ALDH2: variants seen among roughly 807,000 people sequenced by gnomAD.
ALDH2 encodes aldehyde dehydrogenase 2 family member.
ALDH2 carries 44 observed loss-of-function variants against 59.6 expected under a neutral mutation model. That is an observed-to-expected ratio of 0.74 (90% CI 0.58 to 0.95). The LOEUF is 0.95. ALDH2 is among the 40% of genes least tolerant of loss of function. The pLI is 0.00. For missense variants in ALDH2, 570 were observed against 696.3 expected, an observed-to-expected ratio of 0.82 and a Z score of 2.04; for synonymous variants, 291 against 284.0, an observed-to-expected ratio of 1.02 and a Z score of -0.25.
At chr12:111,796,195 G>A (rs923313308) in intron 9 of ALDH2, among the ~76,000 whole-genome samples, 15 of 151,496 alleles carry the variant, frequency 9.9e-5, no homozygotes, top group Admixed American at 3.9e-4. Context: ...GGTGGTGGGC[G>A]CCTATAATCC....
rs558903368 is a variant in ALDH2 at position 111,809,299 on chromosome 12, C to T, written c.1522-244C>T. Among the ~76,000 whole-genome samples the T allele has an allele frequency of 6.6e-5, 10 of 152,188 alleles. No homozygotes were observed. The South Asian group carries it at 2.1e-3, about 32-fold the overall frequency. On this transcript the variant is annotated intron_variant, in intron 12 of 12. Coordinates refer to ENST00000261733, the MANE Select transcript of ALDH2 (RefSeq NM_000690.4). Reference sequence around the variant, plus strand: ...TGACACCCCATCTCTAATAAAAATACAAAAAGTTAGCTGGGTGTTATGGTG... The same window carrying T: ...TGACACCCCATCTCTAATAAAAATATAAAAAGTTAGCTGGGTGTTATGGTG...
intron 4 of ALDH2, among the ~76,000 whole-genome samples, chr12:111,787,464 C>A (rs1045683967): frequency 6.6e-6 from 1 of 152,128 alleles, no homozygotes; most frequent in Non-Finnish European, 1.5e-5. Context: ...GAGGGAGGAC[C>A]CTGAGTGGCT....
chr12:111,791,887 G>T (rs2068362436), intron 7 of ALDH2, among the ~76,000 whole-genome samples, 174 bp from the exon 8 acceptor site: 1 of 152,114 alleles, frequency 6.6e-6, no homozygotes, highest in Non-Finnish European at 1.5e-5. Context: ...AGGTGACAGA[G>T]CGAGACCCTG....
chr12:111,780,271 T>C (rs952363975), intron 1 of ALDH2, among the ~76,000 whole-genome samples: 3 of 152,196 alleles, frequency 2.0e-5, no homozygotes, highest in Non-Finnish European at 4.4e-5. Context: ...CTCTCTGACA[T>C]TGGCCTCATG....
intron 6 of ALDH2, 51 bp downstream of exon 6, chr12:111,790,613 T>C: frequency 6.2e-7 from 1 of 1,611,276 alleles, no homozygotes; most frequent in Non-Finnish European, 8.5e-7. Flanking sequence ...TTGAGGCTTG[T>C]TCTAAAGGAG....
chr12:111,767,837 G>A (rs77819145), intron 1 of ALDH2, among the ~76,000 whole-genome samples: 2,358 of 152,320 alleles, frequency 0.015, 71 homozygotes, highest in African/African-American at 0.053. Flanking sequence ...GCTGAAATTG[G>A]TTATGAAAGA....
intron 2 of ALDH2, 72 bp downstream of exon 2, chr12:111,782,094 A>G: frequency 8.3e-7 from 1 of 1,203,654 alleles, no homozygotes; most frequent in African/African-American, 1.5e-5. Flanking sequence ...GTGTGGTGAA[A>G]GCTTTACCAT....
chr12:111,792,040 C>G (rs576113952), intron 7 of ALDH2, 21 bp from the exon 8 acceptor site: 3 of 1,518,908 alleles, frequency 2.0e-6, no homozygotes, highest in South Asian at 1.1e-5. Flanking sequence ...AGAGCTTGTT[C>G]CTGTCTTTCT....
Position 111,809,868 on chromosome 12 carries a change from G to T in ALDH2, c.*293G>T, listed in dbSNP as rs552684652. ...CTCTCTGAAACGCTTCCTATAACTC[G>T]AGTTTATAGGGGAAGAAAAAGCTAT... is the stretch of plus-strand genomic sequence containing the variant. On this transcript the variant is annotated 3_prime_UTR_variant, in exon 13 of 13. Transcript: ENST00000261733. 8.6e-6 allele frequency: 4 copies of T among 465,000 alleles called. No individual in the cohort carries two copies. In the South Asian group the frequency reaches 1.0e-4, roughly 12 times the overall value. 28.8% of individuals were successfully genotyped at this position (465,000 alleles called of 1,614,324 possible). A position where few individuals can be genotyped will look rare whatever the true frequency, so the allele number is the denominator to read the frequency against.
intron 9 of ALDH2, among the ~76,000 whole-genome samples, chr12:111,793,287 A>C (rs1440302577): frequency 6.6e-6 from 1 of 151,816 alleles, no homozygotes; most frequent in African/African-American, 2.4e-5. Flanking sequence ...TGGTGCAATC[A>C]TACCTCACCT....
At chr12:111,795,285 C>T (rs921128202) in intron 9 of ALDH2, among the ~76,000 whole-genome samples, 1 of 152,014 alleles carries the variant, frequency 6.6e-6, no homozygotes, top group Non-Finnish European at 1.5e-5. Context: ...GGGGCACTAA[C>T]ATTTCTTTCT....
chr12:111,776,812 G>A (rs1174145566), intron 1 of ALDH2, among the ~76,000 whole-genome samples: 1 of 151,972 alleles, frequency 6.6e-6, no homozygotes, highest in Non-Finnish European at 1.5e-5. Flanking sequence ...AGCCTGTCGA[G>A]TAGCTGGGAT....
At chr12:111,788,928 C>A (rs2068332879) in intron 4 of ALDH2, among the ~76,000 whole-genome samples, 1 of 151,942 alleles carries the variant, frequency 6.6e-6, no homozygotes, top group Non-Finnish European at 1.5e-5. Context: ...TCACTTGAGC[C>A]CAGGAGGTCA....
intron 9 of ALDH2, among the ~76,000 whole-genome samples, chr12:111,794,923 AC>A (rs1382155660): frequency 6.6e-6 from 1 of 152,116 alleles, no homozygotes; most frequent in African/African-American, 2.4e-5. Flanking sequence ...TGCAACCATC[AC>A]CACTAATTCT....
chr12:111,799,890 T>C lies in ALDH2; in HGVS notation c.1249-16T>C, dbSNP rs1162275945. On this transcript the variant is annotated splice_polypyrimidine_tract_variant and intron_variant, in intron 10 of 12. Transcript: ENST00000261733. Reference sequence around the variant, plus strand: ...TCCGTGTTGCCGAACCCTCCTACGCTGCTCTCTCACTCCAGATCTTCGGGC... The same window carrying C: ...TCCGTGTTGCCGAACCCTCCTACGCCGCTCTCTCACTCCAGATCTTCGGGC... The C allele has an allele frequency of 6.2e-7, 1 of 1,611,330 alleles. No homozygotes were observed. The highest frequency in any genetic ancestry group is 8.5e-7 in the Non-Finnish European group (1 of 1,178,488).
Position 111,805,362 on chromosome 12 carries a change from A to G in ALDH2, c.1521+1389A>G, listed in dbSNP as rs76439630. On this transcript the variant is annotated intron_variant, in intron 12 of 12. Coordinates refer to ENST00000261733, the MANE Select transcript of ALDH2 (RefSeq NM_000690.4). Reference sequence around the variant, plus strand: ...TTGAGCAGGCCTTTCCAGGATTGGAATCACCAGGCTGGAGTGTACTGGTGC... The same window carrying G: ...TTGAGCAGGCCTTTCCAGGATTGGAGTCACCAGGCTGGAGTGTACTGGTGC... Among the ~76,000 whole-genome samples the G allele has an allele frequency of 6.6e-3, 1,008 of 152,154 alleles. 10 individuals are homozygous for G. The highest frequency in any genetic ancestry group is 0.018 in the Admixed American group (279 of 15,276).
chr12:111,801,622 C>T (rs1006609445), intron 11 of ALDH2, among the ~76,000 whole-genome samples: 15 of 151,252 alleles, frequency 9.9e-5, no homozygotes, highest in Non-Finnish European at 1.8e-4. Context: ...TCGCTTGAAC[C>T]TGGGAGGCGG....
chr12:111,783,614 A>T (rs2068289588), intron 3 of ALDH2, among the ~76,000 whole-genome samples: 1 of 152,100 alleles, frequency 6.6e-6, no homozygotes, highest in East Asian at 1.9e-4. Flanking sequence ...GGTTCAAGTG[A>T]TTCTCCTGCC....
At chr12:111,784,467 C>T (rs959401377) in intron 3 of ALDH2, among the ~76,000 whole-genome samples, 4 of 152,232 alleles carry the variant, frequency 2.6e-5, no homozygotes, top group African/African-American at 7.2e-5. Flanking sequence ...GGATGCTCTT[C>T]GCCCTGCTGC....
Sources: gnomAD v4.1 joint callset for allele counts (sites outside exome capture counted in the v4.1 genomes callset) on GRCh38, gnomAD v4.1.1 for gene constraint, MANE v1.5 for transcripts, NCBI Gene and HGNC (gene_info 2026-07-23, HGNC 2026-07-21) for gene names.